The following HIP1R variants were observed in gnomAD, a reference collection of about 807,000 sequenced individuals.
HIP1R encodes huntingtin-interacting protein 1-related protein.
In HIP1R, 135 loss-of-function variants were observed where a neutral mutation model predicts 144.2. That is an observed-to-expected ratio of 0.94 (90% CI 0.81 to 1.08). The LOEUF (loss-of-function observed/expected upper bound fraction) is 1.08. HIP1R is among the 50% of genes least tolerant of loss of function. HIP1R has a pLI of 0.00. For missense variants in HIP1R, 1,462 were observed against 1,432.8 expected, an observed-to-expected ratio of 1.02 and a Z score of -0.33; for synonymous variants, 698 against 612.8, an observed-to-expected ratio of 1.14 and a Z score of -2.05.
At chr12:122,842,978 A>T (rs1303979607) in intron 1 of HIP1R, among the ~76,000 whole-genome samples, 1 of 152,246 alleles carries the variant, frequency 6.6e-6, no homozygotes, top group Non-Finnish European at 1.5e-5. Flanking sequence ...GCCGCAGCCC[A>T]GAGGCAGATG....
intron 1 of HIP1R, among the ~76,000 whole-genome samples, chr12:122,839,447 G>T (rs375783624): frequency 6.6e-6 from 1 of 152,218 alleles, no homozygotes; most frequent in African/African-American, 2.4e-5. Context: ...GGGTTCCTGT[G>T]GGGCAGGGAC....
intron 8 of HIP1R, 123 bp downstream of exon 8, chr12:122,854,306 C>T (rs1240437862): frequency 1.8e-6 from 1 of 570,496 alleles, no homozygotes; most frequent in African/African-American, 2.0e-5. Flanking sequence ...GTAATAAACC[C>T]ACTGCCCATT....
intron 1 of HIP1R, among the ~76,000 whole-genome samples, chr12:122,846,127 T>G (rs1347190120): frequency 6.6e-6 from 1 of 152,184 alleles, no homozygotes; most frequent in Non-Finnish European, 1.5e-5. Context: ...CGGACACGCC[T>G]GGCTTGTGAC....
At position 122,851,246 on chromosome 12, in the gene HIP1R, A is replaced by G; in HGVS notation, c.526A>G (p.Thr176Ala). 1 of 1,534,224 alleles carries G rather than the reference A, an allele frequency of 6.5e-7. No individual in the cohort carries two copies. The highest frequency in any genetic ancestry group is 8.7e-7 in the Non-Finnish European group (1 of 1,148,766). Residue 176 changes from threonine to alanine, a missense_variant, in exon 7 of 32, where the codon ACT becomes GCT. Coordinates refer to ENST00000253083, the MANE Select transcript of HIP1R (RefSeq NM_003959.3). ...ACTTCTCTTGCGTAGCTTCCAGCTC[A>G]CTGTGGAGATGTTTGATTACATGGA... is the stretch of plus-strand genomic sequence containing the variant. ...GTDVNNIFQLTVEMFDYMDCE... is the reference protein window; with the variant it reads ...GTDVNNIFQLAVEMFDYMDCE...
chr12:122,838,307 T>C (rs1056375647), intron 1 of HIP1R, among the ~76,000 whole-genome samples: 1 of 150,574 alleles, frequency 6.6e-6, no homozygotes, highest in Non-Finnish European at 1.5e-5. Context: ...CCCTATGACT[T>C]TAGTCCCTTT....
chr12:122,852,361 T>C (rs953395758), intron 7 of HIP1R, among the ~76,000 whole-genome samples: 1 of 152,154 alleles, frequency 6.6e-6, no homozygotes, highest in African/African-American at 2.4e-5. Flanking sequence ...GCCCCAACTG[T>C]GCAGCAGGAC....
In HIP1R at chr12:122,855,606, A is replaced by G; in HGVS notation, c.1049A>G (p.Asp350Gly). 4 of 1,549,554 alleles carry G rather than the reference A, an allele frequency of 2.6e-6. No homozygotes were observed. Among genetic ancestry groups the G allele is most frequent in the Non-Finnish European group, 3.5e-6 (4 of 1,146,700 alleles). ...GGACCCCCCAATGGGTCTGTGAAGGACGACAGGTGAGGGCTGGAGGAGCCG... is the reference window on the plus strand; with the variant it reads ...GGACCCCCCAATGGGTCTGTGAAGGGCGACAGGTGAGGGCTGGAGGAGCCG... ...TFGPPNGSVK[D>G]DRDLQIESLK... Residue 350 changes from aspartate (D) to glycine (G), a missense_variant, in exon 12 of 32, where the codon GAC becomes GGC. Asp to Gly is a moderately conservative substitution (Grantham distance 94). This residue lies in a region of HIP1R where 1,112 missense variants were observed against 1,011.7 expected (regional missense o/e 1.10). Coordinates refer to ENST00000253083, the MANE Select transcript of HIP1R (RefSeq NM_003959.3).
At position 122,856,697 on chromosome 12, in the gene HIP1R, G is replaced by T; in HGVS notation, c.1591G>T (p.Ala531Ser). Reference sequence around the variant, plus strand: ...GGCCAAGGCCGGAGAGCTGGCCCGCGCGCAGGAGGCCCTGAGCCACACAGA... The same window carrying T: ...GGCCAAGGCCGGAGAGCTGGCCCGCTCGCAGGAGGCCCTGAGCCACACAGA... ...LEAKAGELAR[A>S]QEALSHTEQS... Residue 531 changes from alanine (A) to serine (S), a missense_variant, in exon 17 of 32, where the codon GCG (alanine) becomes TCG (serine). Physicochemically the swap from Ala to Ser is moderately conservative, Grantham distance 99. This residue lies in a region of HIP1R where 1,112 missense variants were observed against 1,011.7 expected (regional missense o/e 1.10). Transcript: ENST00000253083. The T allele has an allele frequency of 1.3e-6, 2 of 1,588,330 alleles. No individual in the cohort carries two copies. The highest frequency in any genetic ancestry group is 1.7e-6 in the Non-Finnish European group (2 of 1,167,818).
At chr12:122,848,377 C>A in intron 2 of HIP1R, 89 bp from the exon 3 acceptor site, 1 of 1,493,850 alleles carries the variant, frequency 6.7e-7, no homozygotes, top group Non-Finnish European at 9.0e-7. Flanking sequence ...GGGGCCGGCC[C>A]TCTTCCGGCG....
rs12313006 is a variant in HIP1R, at chr12:122,858,338, C to T, written c.1964-11C>T. The stretch of plus-strand genomic sequence containing the variant: ...GGGTGGCAGGGGCCTCAGTTCTCCT[C>T]GTGCTTGCAGACTACCTGGTGAGCA... On this transcript the variant is annotated splice_polypyrimidine_tract_variant and intron_variant, in intron 19 of 31. Coordinates refer to ENST00000253083, the MANE Select transcript of HIP1R (RefSeq NM_003959.3). The T allele has an allele frequency of 0.081, 129,906 of 1,604,156 alleles. 7,612 individuals carry two copies. Among genetic ancestry groups the T allele is most frequent in the African/African-American group, 0.26 (19,520 of 74,766 alleles).
intron 7 of HIP1R, among the ~76,000 whole-genome samples, chr12:122,851,819 C>T (rs2033407442): frequency 6.6e-6 from 1 of 152,206 alleles, no homozygotes; most frequent in South Asian, 2.1e-4. Context: ...CAGGTTCAGC[C>T]ATCTCTTCCA....
Position 122,861,030 on chromosome 12 carries a change from G to A in HIP1R, c.2881G>A (p.Glu961Lys), listed in dbSNP as rs747544252. The A allele has an allele frequency of 6.2e-7, 1 of 1,613,690 alleles. No individual in the cohort carries two copies. Among genetic ancestry groups the A allele is most frequent in the Admixed American group, 1.7e-5 (1 of 60,022 alleles). Reference protein sequence around the residue: ...ASTKSGQEQIEDRDTMDFSGL... With the variant: ...ASTKSGQEQIKDRDTMDFSGL... The stretch of plus-strand genomic sequence containing the variant: ...CACCAAGTCAGGCCAGGAGCAGATT[G>A]AGGACAGAGGTGAGTGCCAGATGCC... The change falls in exon 29 of 32, where the codon GAG becomes AAG. Residue 961 changes from glutamate to lysine, a missense_variant. Coordinates refer to ENST00000253083, the MANE Select transcript of HIP1R (RefSeq NM_003959.3).
intron 1 of HIP1R, among the ~76,000 whole-genome samples, chr12:122,846,201 C>T (rs1360509486): frequency 2.6e-5 from 4 of 152,232 alleles, no homozygotes; most frequent in Admixed American, 6.5e-5. Context: ...CTGGGAGCCC[C>T]TCCCCACGGG....
In HIP1R at chr12:122,835,646, G is replaced by GAGCGGGC; in HGVS notation, c.93+4_93+10dup. On this transcript the variant is annotated splice_donor_region_variant and intron_variant, in intron 1 of 31. Coordinates refer to ENST00000253083, the MANE Select transcript of HIP1R (RefSeq NM_003959.3). ...GCGAGCAGTTCGACAAGACCCAGGC[G>GAGCGGGC]AGCGGGCGGCGGGCGGCGGGCGGCG... 8.4e-7 allele frequency: 1 copy of GAGCGGGC among 1,187,676 alleles called. No individual in the cohort carries two copies. The highest frequency in any genetic ancestry group is 1.0e-6 in the Non-Finnish European group (1 of 960,536). 73.6% of individuals were successfully genotyped at this position (1,187,676 alleles called of 1,614,324 possible). A position where few individuals can be genotyped will look rare whatever the true frequency, so the allele number is the denominator to read the frequency against.
chr12:122,851,014 T>G, intron 6 of HIP1R, 103 bp downstream of exon 6: 1 of 1,066,188 alleles, frequency 9.4e-7, no homozygotes, highest in Non-Finnish European at 1.4e-6. Flanking sequence ...TGGGGTTGAA[T>G]GAGTCCGTGG....
At chr12:122,838,852 A>G (rs939035364) in intron 1 of HIP1R, among the ~76,000 whole-genome samples, 5 of 152,210 alleles carry the variant, frequency 3.3e-5, no homozygotes, top group African/African-American at 1.2e-4. Context: ...GGGAGGAGCC[A>G]CTAGCCAAGG....
At position 122,836,676 on chromosome 12, in the gene HIP1R, T is replaced by G. The variant is rs2032904242; in HGVS notation, c.93+1033T>G. 6.6e-6 allele frequency among the ~76,000 whole-genome samples: 1 copy of G among 152,214 alleles called. No homozygotes were observed. Among genetic ancestry groups the G allele is most frequent in the Non-Finnish European group, 1.5e-5 (1 of 68,042 alleles). ...CCAGAGGACCCCTCCCACTCCTGTC[T>G]AAAGCAGGTTGGTGACATTTGCGTT... On this transcript the variant is annotated intron_variant, in intron 1 of 31. Coordinates refer to ENST00000253083, the MANE Select transcript of HIP1R (RefSeq NM_003959.3). This position sits in a 1 kb window ranked among gnomAD's most constrained non-coding sequence, Gnocchi z 4.1.
intron 18 of HIP1R, 74 bp from the exon 19 acceptor site, chr12:122,858,028 G>A: frequency 4.3e-6 from 6 of 1,388,536 alleles, no homozygotes; most frequent in South Asian, 2.8e-5. Flanking sequence ...TGGCCCATGG[G>A]TCATTCCAGG....
Position 122,841,490 on chromosome 12 carries a change from C to G in HIP1R, c.93+5847C>G, listed in dbSNP as rs150090143. 3.5e-4 allele frequency among the ~76,000 whole-genome samples: 53 copies of G among 152,346 alleles called. 1 individual carries two copies. The East Asian group carries it at 0.01, about 29-fold the overall frequency. On this transcript the variant is annotated intron_variant, in intron 1 of 31. Transcript: ENST00000253083. ...GAGTGGATGCTCAGGGGCCAGTGGT[C>G]TCCCTTCTTTGATGCTGTCTTCTTG... is the stretch of plus-strand genomic sequence containing the variant.
Sources: allele counts gnomAD v4.1 joint callset (sites outside exome capture counted in the v4.1 genomes callset), GRCh38; gene constraint gnomAD v4.1.1; regional missense constraint gnomAD v4.1.1; non-coding constraint Gnocchi (gnomAD v3.1); transcripts MANE v1.5; gene names NCBI Gene and HGNC (gene_info 2026-07-23, HGNC 2026-07-21).